Variants in MVB12B observed in about 807,000 individuals in gnomAD.
MVB12B encodes the protein multivesicular body subunit 12B, also known as ESCRT-I complex subunit MVB12B.
In MVB12B, 16 loss-of-function variants were observed where a neutral mutation model predicts 41.6. That is an observed-to-expected ratio of 0.38 (90% CI 0.26 to 0.58). The LOEUF (loss-of-function observed/expected upper bound fraction) is 0.58, where lower values mean the gene tolerates loss of function less well. Ranked by LOEUF, MVB12B falls within the 20% of genes least tolerant of loss-of-function variation. MVB12B has a pLI of 0.62. For missense variants in MVB12B, 274 were observed against 380.2 expected (o/e 0.72, Z 2.32); for synonymous variants, 133 against 139.7 (o/e 0.95, Z 0.34).
At chr9:126,487,351 G>A (rs899435926) in intron 9 of MVB12B, among the ~76,000 whole-genome samples, 2 of 152,192 alleles carry the variant, frequency 1.3e-5, no homozygotes, top group South Asian at 4.1e-4. Flanking sequence ...AAGGGCGTGA[G>A]TCGGCACAGG....
intron 2 of MVB12B, among the ~76,000 whole-genome samples, chr9:126,377,192 C>T (rs954676164): frequency 2.6e-5 from 4 of 152,194 alleles, no homozygotes; most frequent in Non-Finnish European, 5.9e-5. Context: ...CCCTAGGGCC[C>T]TCCTGCTCCT....
intron 2 of MVB12B, among the ~76,000 whole-genome samples, chr9:126,347,849 A>G (rs948332776): frequency 2.6e-5 from 4 of 152,246 alleles, no homozygotes; most frequent in East Asian, 3.8e-4. Context: ...CAGCTGTCAC[A>G]TGGATTTTCA....
At chr9:126,361,711 C>CT (rs1276161750) in intron 2 of MVB12B, among the ~76,000 whole-genome samples, 1 of 151,974 alleles carries the variant, frequency 6.6e-6, no homozygotes, top group East Asian at 1.9e-4. Context: ...GTATAGAAAT[C>CT]TAAGTTGGCA....
intron 6 of MVB12B, chr9:126,396,112 C>A: frequency 1.0e-6 from 1 of 991,996 alleles, no homozygotes. Context: ...TCTTCATTTT[C>A]ATATAATTTC....
At chr9:126,385,288 T>C (rs571634223) in intron 3 of MVB12B, among the ~76,000 whole-genome samples, 1 of 152,222 alleles carries the variant, frequency 6.6e-6, no homozygotes, top group Non-Finnish European at 1.5e-5. Context: ...TTGGTCTTCA[T>C]GGTTCTTAAA....
chr9:126,464,553 T>C (rs1833160332), intron 7 of MVB12B, among the ~76,000 whole-genome samples: 1 of 152,170 alleles, frequency 6.6e-6, no homozygotes, highest in Admixed American at 6.5e-5. Flanking sequence ...GAAAGAGAAC[T>C]CCAGTGATAT....
intron 1 of MVB12B, chr9:126,335,373 T>C: frequency 7.7e-7 from 1 of 1,304,336 alleles, no homozygotes; most frequent in African/African-American, 1.5e-5. Flanking sequence ...GGGCACAGCA[T>C]GGACACTGGC....
chr9:126,339,514 T>C lies in MVB12B; in HGVS notation c.82-994T>C, dbSNP rs990811094. 3.3e-5 allele frequency among the ~76,000 whole-genome samples: 5 copies of C among 152,218 alleles called. No homozygotes were observed. The East Asian group carries it at 5.8e-4, about 18-fold the overall frequency. On this transcript the variant is annotated intron_variant, in intron 1 of 9. Coordinates refer to ENST00000361171, the MANE Select transcript of MVB12B (RefSeq NM_033446.3). Reference sequence around the variant, plus strand: ...TGCCACTCCAGCTGCCCAGACCCAGTGCTCTCTATATTCTACCTTTCTCCT... The same window carrying C: ...TGCCACTCCAGCTGCCCAGACCCAGCGCTCTCTATATTCTACCTTTCTCCT...
At chr9:126,466,862 C>G (rs1190742935) in intron 7 of MVB12B, among the ~76,000 whole-genome samples, 1 of 151,926 alleles carries the variant, frequency 6.6e-6, no homozygotes, top group Non-Finnish European at 1.5e-5. Flanking sequence ...GGGTCTGGCT[C>G]TATCGCCCAG....
rs562590662 is a variant in MVB12B at position 126,352,494 on chromosome 9, T to G, written c.204+11864T>G. Reference sequence around the variant, plus strand: ...AAAGCAGGCTTCTGTTGTTTTTGTTTGTTTGTTTCTTTGGTTTTTGGTTTG... The same window carrying G: ...AAAGCAGGCTTCTGTTGTTTTTGTTGGTTTGTTTCTTTGGTTTTTGGTTTG... On this transcript the variant is annotated intron_variant, in intron 2 of 9. Coordinates refer to ENST00000361171, the MANE Select transcript of MVB12B (RefSeq NM_033446.3). 2.0e-4 allele frequency among the ~76,000 whole-genome samples: 30 copies of G among 152,298 alleles called. 1 individual carries two copies. Among genetic ancestry groups the G allele is most frequent in the Middle Eastern group, 6.8e-3 (2 of 294 alleles).
In MVB12B at chr9:126,367,456, C is replaced by T. The variant is rs1302626555; in HGVS notation, c.205-13608C>T. Among the ~76,000 whole-genome samples the T allele has an allele frequency of 1.3e-5, 2 of 152,188 alleles. No homozygotes were observed. The highest frequency in any genetic ancestry group is 4.8e-5 in the African/African-American group (2 of 41,442). On this transcript the variant is annotated intron_variant, in intron 2 of 9. Transcript: ENST00000361171. The surrounding 1 kb of genome is among the most constrained non-coding windows in gnomAD (Gnocchi z 4.3). ...ACCCTGGCCTTTTCTGTCCTTTCTT[C>T]TAGGGGTGCGCCTGCCCCTCTGCCC...
intron 9 of MVB12B, among the ~76,000 whole-genome samples, chr9:126,492,060 A>G (rs548971182): frequency 2.6e-5 from 4 of 151,166 alleles, no homozygotes; most frequent in Admixed American, 2.0e-4. Flanking sequence ...TAAAAATGCA[A>G]ACATTACAGG....
At chr9:126,387,935 T>A (rs1196648553) in intron 4 of MVB12B, among the ~76,000 whole-genome samples, 5 of 152,240 alleles carry the variant, frequency 3.3e-5, no homozygotes, top group African/African-American at 1.2e-4. Context: ...GCCACACTTT[T>A]AACCACGGCG....
chr9:126,503,176 G>A lies in MVB12B; in HGVS notation c.874-1G>A. The A allele has an allele frequency of 6.4e-7, 1 of 1,550,670 alleles. No individual in the cohort carries two copies. Among genetic ancestry groups the A allele is most frequent in the South Asian group, 1.2e-5 (1 of 84,088 alleles). On this transcript the variant is annotated splice_acceptor_variant, in intron 9 of 9. Transcript: ENST00000361171. LOFTEE classifies it high-confidence loss of function. ...CTCTCTGTCCCCACCCGCCCCTGCA[G>A]TACGAGTACAGCTTCCGCACAGAGC...
intron 6 of MVB12B, among the ~76,000 whole-genome samples, chr9:126,404,690 T>C (rs1168427484): frequency 6.6e-6 from 1 of 152,218 alleles, no homozygotes; most frequent in East Asian, 1.9e-4. Flanking sequence ...CCAGCACACT[T>C]GCACTGTGGT....
intron 2 of MVB12B, among the ~76,000 whole-genome samples, chr9:126,348,794 TAC>T (rs1564284357): frequency 1.3e-5 from 2 of 152,342 alleles, no homozygotes; most frequent in Non-Finnish European, 2.9e-5. Flanking sequence ...TAGGAAGTAC[TAC>T]AGAGAGATCC....
At chr9:126,413,399 G>A (rs148958378) in intron 6 of MVB12B, among the ~76,000 whole-genome samples, 1 of 152,254 alleles carries the variant, frequency 6.6e-6, no homozygotes, top group Non-Finnish European at 1.5e-5. Flanking sequence ...ATCATAAGAT[G>A]CATATGACAG....
intron 7 of MVB12B, among the ~76,000 whole-genome samples, chr9:126,470,811 G>A (rs1187223560): frequency 6.6e-6 from 1 of 152,164 alleles, no homozygotes; most frequent in Non-Finnish European, 1.5e-5. Flanking sequence ...TTTGGATTGG[G>A]TCTCACAGCC....
At chr9:126,435,897 G>A (rs936620750) in intron 7 of MVB12B, among the ~76,000 whole-genome samples, 1 of 152,266 alleles carries the variant, frequency 6.6e-6, no homozygotes, top group Non-Finnish European at 1.5e-5. Flanking sequence ...GGCTGTAGAT[G>A]CGGGGGGACT....
Sources: gnomAD v4.1 joint callset for allele counts (sites outside exome capture counted in the v4.1 genomes callset) on GRCh38, gnomAD v4.1.1 for gene constraint, Gnocchi (gnomAD v3.1) non-coding constraint, MANE v1.5 for transcripts, NCBI Gene and HGNC (gene_info 2026-07-23, HGNC 2026-07-21) for gene names.